TMPRSS6: variants seen among roughly 807,000 people sequenced by gnomAD.
TMPRSS6 encodes transmembrane serine protease 6.
TMPRSS6 carries 67 observed loss-of-function variants against 101.5 expected under a neutral mutation model. The ratio of observed to expected loss-of-function variants is 0.66; its 90% CI spans 0.54 to 0.81. The LOEUF is 0.81. Ranked by LOEUF, TMPRSS6 falls within the 30% of genes least tolerant of loss-of-function variation. TMPRSS6 has a pLI of 0.00. For missense variants in TMPRSS6, 1,034 were observed against 1,088.7 expected (o/e 0.95, Z 0.71); for synonymous variants, 453 against 464.9 (o/e 0.97, Z 0.33).
At chr22:37,082,804 C>G in intron 10 of TMPRSS6, 1 of 367,646 alleles carries the variant, frequency 2.7e-6, no homozygotes, top group Non-Finnish European at 5.3e-6. Flanking sequence ...CCCAAAGTCA[C>G]TCCCCATGTT....
chr22:37,079,502 C>T (rs761318341), intron 10 of TMPRSS6, among the ~76,000 whole-genome samples: 1 of 152,106 alleles, frequency 6.6e-6, no homozygotes, highest in Non-Finnish European at 1.5e-5. Context: ...TGAATGCACA[C>T]CCCCGTGCCC....
At chr22:37,105,804 G>A (rs1930679346) in intron 1 of TMPRSS6, among the ~76,000 whole-genome samples, 1 of 152,102 alleles carries the variant, frequency 6.6e-6, no homozygotes, top group Non-Finnish European at 1.5e-5. Context: ...CAAGTAGCTG[G>A]GACTACAGGT....
At chr22:37,094,903 C>T (rs1569020212) in intron 6 of TMPRSS6, among the ~76,000 whole-genome samples, 1 of 152,200 alleles carries the variant, frequency 6.6e-6, no homozygotes, top group Admixed American at 6.5e-5. Flanking sequence ...GCCATAGAGT[C>T]CAGCAGCCAG....
At chr22:37,087,736 G>C (rs2146117670) in intron 7 of TMPRSS6, among the ~76,000 whole-genome samples, 1 of 152,260 alleles carries the variant, frequency 6.6e-6, no homozygotes, top group South Asian at 2.1e-4. Flanking sequence ...TCTTCCCTGG[G>C]AGGTGGGAGA....
At chr22:37,096,166 A>G in intron 4 of TMPRSS6, 76 bp from the exon 5 acceptor site, 1 of 1,531,964 alleles carries the variant, frequency 6.5e-7, no homozygotes, top group South Asian at 1.1e-5. Flanking sequence ...GCTCATGCAC[A>G]TCGAGCACTT....
At position 37,069,017 on chromosome 22, in the gene TMPRSS6, C is replaced by A. The variant is rs1037505610; in HGVS notation, c.2113+56G>T. The A allele has an allele frequency of 6.5e-7, 1 of 1,529,024 alleles. No individual in the cohort carries two copies. The highest frequency in any genetic ancestry group is 1.2e-5 in the South Asian group (1 of 83,212). The allele number at this position is 1,529,024 out of a possible 1,614,324, so 94.7% of individuals were successfully genotyped here. On this transcript the variant is annotated intron_variant, in intron 16 of 17. Coordinates refer to ENST00000676104, the MANE Select transcript of TMPRSS6 (RefSeq NM_001374504.1). This position sits in a 1 kb window ranked among gnomAD's most constrained non-coding sequence, Gnocchi z 4.8. ...CCGCCCTTCTCCAGGCCAGGTGTTA[C>A]GGCGCAGATCCGCACGGTCTCCCTC...
intron 2 of TMPRSS6, among the ~76,000 whole-genome samples, chr22:37,102,530 A>G (rs1263122320): frequency 2.0e-5 from 3 of 152,208 alleles, no homozygotes; most frequent in Non-Finnish European, 4.4e-5. Context: ...TATTCCATGA[A>G]TGAATGAACG....
In TMPRSS6 at chr22:37,069,466, C is replaced by A; in HGVS notation, c.1842-122G>T. On this transcript the variant is annotated intron_variant, in intron 15 of 17. Coordinates refer to ENST00000676104, the MANE Select transcript of TMPRSS6 (RefSeq NM_001374504.1). The surrounding 1 kb of genome is among the most constrained non-coding windows in gnomAD (Gnocchi z 4.8). ...CCGGGACAGTGCCCTCCACACCCAG[C>A]CCTCCCTTCCCTCCCTGAAGGTCGC... is the stretch of plus-strand genomic sequence containing the variant. 2 of 928,090 alleles carry A rather than the reference C, an allele frequency of 2.2e-6. No individual in the cohort carries two copies. The highest frequency in any genetic ancestry group is 3.2e-6 in the Non-Finnish European group (2 of 621,866). The allele number at this position is 928,090 out of a possible 1,614,324, so 57.5% of individuals were successfully genotyped here.
intron 8 of TMPRSS6, among the ~76,000 whole-genome samples, chr22:37,085,889 G>C (rs2146109867): frequency 6.6e-6 from 1 of 152,078 alleles, no homozygotes; most frequent in South Asian, 2.1e-4. Flanking sequence ...CCACCGGTGG[G>C]TGCCAAGGGG....
At chr22:37,092,803 A>G (rs1268840966) in intron 6 of TMPRSS6, among the ~76,000 whole-genome samples, 8 of 152,162 alleles carry the variant, frequency 5.3e-5, no homozygotes, top group Non-Finnish European at 1.5e-5. Context: ...GCCCATGCCC[A>G]AATCTGATGC....
intron 10 of TMPRSS6, among the ~76,000 whole-genome samples, chr22:37,076,645 AG>A (rs1269810260): frequency 1.3e-5 from 2 of 152,178 alleles, no homozygotes; most frequent in Non-Finnish European, 2.9e-5. Context: ...GAGTGGGTGC[AG>A]CCACTCCCCC....
Position 37,073,459 on chromosome 22 carries a change from CTT to C in TMPRSS6, c.1555+71_1555+72del, listed in dbSNP as rs887256407. 3.3e-5 allele frequency: 33 copies of C among 993,808 alleles called. No homozygotes were observed. The African/African-American group carries it at 4.6e-4, about 14-fold the overall frequency. The allele number at this position is 993,808 out of a possible 1,614,324, so 61.6% of individuals were successfully genotyped here. A position where few individuals can be genotyped will look rare whatever the true frequency, so the allele number is the denominator to read the frequency against. ...GGGTGTTGAGAGGAGAAGCTAGAAACTTTTGCTGAAGCATGTAGCAGGCCTAG... is the reference window on the plus strand; with the variant it reads ...GGGTGTTGAGAGGAGAAGCTAGAAACTTGCTGAAGCATGTAGCAGGCCTAG... On this transcript the variant is annotated intron_variant, in intron 13 of 17. Transcript: ENST00000676104.
intron 13 of TMPRSS6, 122 bp downstream of exon 13, chr22:37,073,410 A>G: frequency 1.5e-6 from 1 of 660,082 alleles, no homozygotes; most frequent in Non-Finnish European, 2.8e-6. Flanking sequence ...ACAGACATAC[A>G]GATGTAAATA....
Position 37,103,140 on chromosome 22 carries a change from TC to T in TMPRSS6, c.202+75del. The T allele has an allele frequency of 1.3e-6, 2 of 1,497,490 alleles. No homozygotes were observed. The highest frequency in any genetic ancestry group is 1.9e-6 in the Non-Finnish European group (2 of 1,080,930). The allele number at this position is 1,497,490 out of a possible 1,614,324, so 92.8% of individuals were successfully genotyped here. ...AAGCACGGCTGAGCCTGGAACCCAGTCCTGTCCTGCTGTGCCTGCTACAGTC... is the reference window on the plus strand; with the variant it reads ...AAGCACGGCTGAGCCTGGAACCCAGTCTGTCCTGCTGTGCCTGCTACAGTC... On this transcript the variant is annotated intron_variant, in intron 2 of 17. Transcript: ENST00000676104. This position sits in a 1 kb window ranked among gnomAD's most constrained non-coding sequence, Gnocchi z 4.4.
chr22:37,073,647 T>C lies in TMPRSS6; in HGVS notation c.1442-2A>G. The C allele has an allele frequency of 6.2e-7, 1 of 1,609,452 alleles. No individual in the cohort carries two copies. The highest frequency in any genetic ancestry group is 8.5e-7 in the Non-Finnish European group (1 of 1,175,812). The stretch of plus-strand genomic sequence containing the variant: ...TGCACTGGAATGTGGCTCTGCAAAC[T>C]GTGTGGGGACACAGAGAGGGGACAG... On this transcript the variant is annotated splice_acceptor_variant, in intron 12 of 17. Coordinates refer to ENST00000676104, the MANE Select transcript of TMPRSS6 (RefSeq NM_001374504.1). LOFTEE classifies it high-confidence loss of function.
chr22:37,095,589 G>A lies in TMPRSS6; in HGVS notation c.593C>T (p.Ala198Val), dbSNP rs1342580767. The change falls in exon 6 of 18, where the codon GCC becomes GTC. Residue 198 changes from alanine to valine, a missense_variant. Coordinates refer to ENST00000676104, the MANE Select transcript of TMPRSS6 (RefSeq NM_001374504.1). ...VDPEGLVILE[A>V]SVKDIAALNS... ...CAATGCAGCTATGTCTTTCACACTG[G>A]CTTCTGATAAAAGGAAATGAACAAA... is the stretch of plus-strand genomic sequence containing the variant. The A allele has an allele frequency of 6.2e-7, 1 of 1,607,952 alleles. No homozygotes were observed.
At position 37,078,973 on chromosome 22, in the gene TMPRSS6, A is replaced by AAGAAAGAAAGAAAGAAAGAAAG. The variant is rs762878165; in HGVS notation, c.1197-3694_1197-3693insCTTTCTTTCTTTCTTTCTTTCT. ...GGAGAAAAAGAGAAAGAAAGAAAGA[A>AAGAAAGAAAGAAAGAAAGAAAG]AAAGAAAGAAAGAAAGAAAGAAAGA... is the stretch of plus-strand genomic sequence containing the variant. On this transcript the variant is annotated intron_variant, in intron 10 of 17. Transcript: ENST00000676104. 3.2e-4 allele frequency among the ~76,000 whole-genome samples: 34 copies of AAGAAAGAAAGAAAGAAAGAAAG among 106,584 alleles called. No homozygotes were observed. In the East Asian group the frequency reaches 3.9e-3, roughly 12 times the overall value. 69.9% of individuals were successfully genotyped at this position (106,584 alleles called of 152,430 possible).
rs149728170 is a variant in TMPRSS6, at chr22:37,075,017, T to A, written c.1342+118A>T. ...CAAGCACATACACACACACACACAC[T>A]CTCTCTCTCCTTTTGTTCAGCCTCA... On this transcript the variant is annotated intron_variant, in intron 11 of 17. Transcript: ENST00000676104. 14,462 of 1,473,808 alleles carry A rather than the reference T, an allele frequency of 9.8e-3. 57 individuals carry two copies. The highest frequency in any genetic ancestry group is 0.018 in the Middle Eastern group (99 of 5,546). 91.3% of individuals were successfully genotyped at this position (1,473,808 alleles called of 1,614,324 possible).
intron 2 of TMPRSS6, among the ~76,000 whole-genome samples, chr22:37,102,317 C>A (rs1930389367): frequency 6.6e-6 from 1 of 152,238 alleles, no homozygotes; most frequent in Non-Finnish European, 1.5e-5. Flanking sequence ...GGCTAAATCA[C>A]AAGGACAGGG....
Sources: allele counts gnomAD v4.1 joint callset (sites outside exome capture counted in the v4.1 genomes callset), GRCh38; gene constraint gnomAD v4.1.1; non-coding constraint Gnocchi (gnomAD v3.1); transcripts MANE v1.5; gene names NCBI Gene and HGNC (gene_info 2026-07-23, HGNC 2026-07-21).